SORCS2: variants seen among roughly 807,000 people sequenced by gnomAD.
The protein encoded by SORCS2 is sortilin related VPS10 domain containing receptor 2.
Under a neutral mutation model 141.6 loss-of-function variants are expected in SORCS2, and 100 were observed. The observed-to-expected ratio is 0.71, with a 90% CI of 0.60 to 0.83. The LOEUF is 0.83. Ranked by LOEUF, SORCS2 falls within the 40% of genes least tolerant of loss-of-function variation. SORCS2 has a pLI of 0.00. For synonymous variants in SORCS2, 789 were observed against 676.9 expected, an observed-to-expected ratio of 1.17 and a Z score of -2.57; for missense variants, 1,646 against 1,560.2, an observed-to-expected ratio of 1.05 and a Z score of -0.93.
chr4:7,427,457 C>A (rs1387458056), intron 2 of SORCS2, among the ~76,000 whole-genome samples: 1 of 152,176 alleles, frequency 6.6e-6, no homozygotes, highest in East Asian at 1.9e-4. Context: ...TGGGCCAGAG[C>A]ACCTCATGGG....
chr4:7,684,833 G>C (rs1723773435), intron 10 of SORCS2, among the ~76,000 whole-genome samples: 1 of 152,080 alleles, frequency 6.6e-6, no homozygotes. Context: ...ACCACCACCA[G>C]CCCCAGTGTT....
intron 8 of SORCS2, among the ~76,000 whole-genome samples, chr4:7,674,775 C>G (rs1723007060): frequency 6.8e-6 from 1 of 147,102 alleles, no homozygotes; most frequent in South Asian, 2.2e-4. Context: ...CTCCACTGGA[C>G]AGAATCGGGA....
At chr4:7,240,513 C>G (rs1392670692) in intron 1 of SORCS2, among the ~76,000 whole-genome samples, 1 of 152,084 alleles carries the variant, frequency 6.6e-6, no homozygotes, top group South Asian at 2.1e-4. Flanking sequence ...CTGATTCTGC[C>G]GAACGTTTCC....
intron 1 of SORCS2, among the ~76,000 whole-genome samples, chr4:7,337,297 C>T (rs1380362923): frequency 1.3e-5 from 2 of 152,156 alleles, no homozygotes; most frequent in Non-Finnish European, 2.9e-5. Context: ...AGCCCACCTG[C>T]AACGTGCGGT....
intron 11 of SORCS2, among the ~76,000 whole-genome samples, chr4:7,693,586 G>A (rs958114778): frequency 2.0e-5 from 3 of 152,212 alleles, no homozygotes; most frequent in South Asian, 2.1e-4. Context: ...TCATCCAGAC[G>A]TCCTCAGGAT....
At chr4:7,737,235 A>G (rs766673883) in intron 26 of SORCS2, 63 bp downstream of exon 26, 37 of 1,516,788 alleles carry the variant, frequency 2.4e-5, no homozygotes, top group Non-Finnish European at 3.2e-5. Flanking sequence ...CCCCAAACCC[A>G]CCCCGCCCTC....
intron 12 of SORCS2, among the ~76,000 whole-genome samples, chr4:7,700,158 C>T (rs74753133): frequency 0.029 from 4,402 of 152,314 alleles, 103 homozygotes; most frequent in Middle Eastern, 0.061. Context: ...CTTGTGCCTC[C>T]GAAGGTTTCC....
At position 7,642,279 on chromosome 4, in the gene SORCS2, G is replaced by C. The variant is rs567650434; in HGVS notation, c.813+3787G>C. 1.1e-4 allele frequency among the ~76,000 whole-genome samples: 17 copies of C among 152,314 alleles called. No individual in the cohort carries two copies. The South Asian group carries it at 3.1e-3, about 28-fold the overall frequency. On this transcript the variant is annotated intron_variant, in intron 4 of 26. Coordinates refer to ENST00000507866, the MANE Select transcript of SORCS2 (RefSeq NM_020777.3). ...TTCCTTGGGGATGGCTTGTGCTTCT[G>C]GGTATTAATAGCACTACTTAGCCTT...
rs747287111 is a variant in SORCS2 at position 7,575,090 on chromosome 4, C to G, written c.648+43461C>G. ...GACTGGCGGTGGGAGGACTGGGGCT[C>G]CACGTGGCCCTCTGGGCTTCATTGC... On this transcript the variant is annotated intron_variant, in intron 3 of 26. Coordinates refer to ENST00000507866, the MANE Select transcript of SORCS2 (RefSeq NM_020777.3). Among the ~76,000 whole-genome samples the G allele has an allele frequency of 2.0e-5, 3 of 152,244 alleles. No individual in the cohort carries two copies. The East Asian group carries it at 5.8e-4, about 29-fold the overall frequency.
chr4:7,658,741 G>T (rs751045641), intron 5 of SORCS2, among the ~76,000 whole-genome samples: 16 of 152,202 alleles, frequency 1.1e-4, no homozygotes, highest in Non-Finnish European at 2.2e-4. Flanking sequence ...GGGTAGACCT[G>T]GTCCCTGGAG....
At chr4:7,716,426 C>T (rs1001550191) in intron 17 of SORCS2, among the ~76,000 whole-genome samples, 3 of 152,150 alleles carry the variant, frequency 2.0e-5, no homozygotes, top group Non-Finnish European at 1.5e-5. Context: ...TTCATCCATA[C>T]GTCTTTCCAT....
intron 9 of SORCS2, 21 bp from the exon 10 acceptor site, chr4:7,682,722 C>T: frequency 6.3e-7 from 1 of 1,596,682 alleles, no homozygotes; most frequent in Non-Finnish European, 8.5e-7. Flanking sequence ...GTTTACAGTC[C>T]TTCTTTTATT....
chr4:7,270,382 C>G (rs1245996731), intron 1 of SORCS2, among the ~76,000 whole-genome samples: 1 of 152,264 alleles, frequency 6.6e-6, no homozygotes, highest in Non-Finnish European at 1.5e-5. Flanking sequence ...TGCGCTGGTC[C>G]TGTCTAAACC....
intron 19 of SORCS2, among the ~76,000 whole-genome samples, chr4:7,724,918 AAT>A (rs1727078406): frequency 3.6e-5 from 1 of 27,834 alleles, no homozygotes; most frequent in African/African-American, 1.9e-4. Context: ...TATTGGTGGG[AAT>A]GGATGGTGGT....
At chr4:7,696,125 G>A (rs928713148) in intron 11 of SORCS2, among the ~76,000 whole-genome samples, 2 of 152,180 alleles carry the variant, frequency 1.3e-5, no homozygotes, top group Non-Finnish European at 2.9e-5. Flanking sequence ...ATCTTCTTTG[G>A]AATTTTCCAG....
chr4:7,508,495 C>A (rs933701520), intron 2 of SORCS2, among the ~76,000 whole-genome samples: 1 of 151,872 alleles, frequency 6.6e-6, no homozygotes, highest in Non-Finnish European at 1.5e-5. Context: ...GGACTACTGG[C>A]ATCCGCTAAT....
chr4:7,645,225 G>C (rs1267323894), intron 4 of SORCS2, among the ~76,000 whole-genome samples: 1 of 152,176 alleles, frequency 6.6e-6, no homozygotes, highest in Admixed American at 6.5e-5. Flanking sequence ...TGCCTGGCCT[G>C]AGTCACTCGG....
At chr4:7,553,784 A>G (rs1713905258) in intron 3 of SORCS2, among the ~76,000 whole-genome samples, 1 of 152,242 alleles carries the variant, frequency 6.6e-6, no homozygotes, top group Non-Finnish European at 1.5e-5. Context: ...GTGTATGTCA[A>G]TCATGACTGA....
In SORCS2 at chr4:7,711,946, A is replaced by C. The variant is rs576155362; in HGVS notation, c.1869-787A>C. 8.6e-5 allele frequency among the ~76,000 whole-genome samples: 13 copies of C among 152,032 alleles called. No homozygotes were observed. The East Asian group carries it at 2.5e-3, about 30-fold the overall frequency. On this transcript the variant is annotated intron_variant, in intron 14 of 26. Coordinates refer to ENST00000507866, the MANE Select transcript of SORCS2 (RefSeq NM_020777.3). Reference sequence around the variant, plus strand: ...CTAGACCCTTCTCGGTCATGGAGCTACCTGGGCTGAGGGTCCTCAGCCACA... The same window carrying C: ...CTAGACCCTTCTCGGTCATGGAGCTCCCTGGGCTGAGGGTCCTCAGCCACA...
Sources: gnomAD v4.1 joint callset for allele counts (sites outside exome capture counted in the v4.1 genomes callset) on GRCh38, gnomAD v4.1.1 for gene constraint, MANE v1.5 for transcripts, NCBI Gene and HGNC (gene_info 2026-07-23, HGNC 2026-07-21) for gene names.